LMTK3: variants seen among roughly 807,000 people sequenced by gnomAD.
LMTK3 encodes the protein lemur tail kinase 3, also known as serine/threonine-protein kinase LMTK3.
A neutral mutation model predicts 116.7 loss-of-function variants in LMTK3; 27 were observed. That is an observed-to-expected ratio of 0.23 (90% confidence interval 0.17 to 0.32). The LOEUF is 0.32. LMTK3 is among the 10% of genes least tolerant of loss of function. The pLI, the probability that LMTK3 is intolerant of heterozygous loss-of-function variation, is 1.00. For synonymous variants in LMTK3, 965 were observed against 971.0 expected (o/e 0.99, Z 0.11); for missense variants, 1,764 against 2,068.5 (o/e 0.85, Z 2.86).
upstream of LMTK3, chr19:48,513,082 A>C (rs865846723): frequency 7.3e-5 from 103 of 1,404,380 alleles, no homozygotes; most frequent in Middle Eastern, 1.7e-4. This position sits in a 1 kb window ranked among gnomAD's most constrained non-coding sequence, Gnocchi z 5.6. Context: ...ACAAAGAGTC[A>C]CACACCCACA....
chr19:48,499,167 G>T lies in LMTK3; in HGVS notation c.1902C>A (p.Thr634=). Residue 634 remains threonine (T), a synonymous_variant, in exon 11 of 15, where the codon ACC becomes ACA. Coordinates refer to ENST00000600059, the MANE Select transcript of LMTK3 (RefSeq NM_001388485.1). Reference sequence around the variant, plus strand: ...CCTCTTCTTCTTCCACCCACGGGGCGGTCCCCCGCTCCCCCAAGACCTCGG... The same window carrying T: ...CCTCTTCTTCTTCCACCCACGGGGCTGTCCCCCGCTCCCCCAAGACCTCGG... ...DPAEVLGERG[T]APWVEEEEEE... 6.7e-7 allele frequency: 1 copy of T among 1,503,078 alleles called. No homozygotes were observed. Among genetic ancestry groups the T allele is most frequent in the Admixed American group, 2.1e-5 (1 of 47,530 alleles). The allele number at this position is 1,503,078 out of a possible 1,614,324, so 93.1% of individuals were successfully genotyped here.
intron 5 of LMTK3, among the ~76,000 whole-genome samples, chr19:48,507,795 A>C (rs1310257157): frequency 6.6e-6 from 1 of 152,154 alleles, no homozygotes; most frequent in Non-Finnish European, 1.5e-5. Context: ...TGTAATAGGC[A>C]TATGTGGCCA....
Position 48,509,486 on chromosome 19 carries a change from C to T in LMTK3, c.389G>A (p.Arg130Gln), listed in dbSNP as rs1211683679. Reference protein sequence around the residue: ...SDMTTPLGLSRQHLSYLQEIG... With the variant: ...SDMTTPLGLSQQHLSYLQEIG... ...CTCCTGCAGGTAGCTCAGGTGCTGC[C>T]GGCTAAGGCCCAGGGGGGTGGTCAT... The change falls in exon 4 of 15, where the codon CGG (arginine) becomes CAG (glutamine). Residue 130 changes from arginine (R) to glutamine (Q), a missense_variant. This residue lies in a region of LMTK3 where 271 missense variants were observed against 478.2 expected (regional missense o/e 0.57). Coordinates refer to ENST00000600059, the MANE Select transcript of LMTK3 (RefSeq NM_001388485.1). The T allele has an allele frequency of 6.4e-7, 1 of 1,560,054 alleles. No homozygotes were observed. Among genetic ancestry groups the T allele is most frequent in the East Asian group, 2.4e-5 (1 of 41,774 alleles).
At position 48,493,792 on chromosome 19, in the gene LMTK3, A is replaced by T; in HGVS notation, c.3994T>A (p.Ser1332Thr). Residue 1332 changes from serine to threonine, a missense_variant, in exon 12 of 15, where the codon TCT becomes ACT. Transcript: ENST00000600059. ...TCTGGCTCGTCGGCCCCGCGCGGAGACTTGAGCAGCCCCCGCAGCGGGCGG... is the reference window on the plus strand; with the variant it reads ...TCTGGCTCGTCGGCCCCGCGCGGAGTCTTGAGCAGCCCCCGCAGCGGGCGG... Reference protein sequence around the residue: ...AARPLRGLLKSPRGADEPEDS... With the variant: ...AARPLRGLLKTPRGADEPEDS... 6.5e-7 allele frequency: 1 copy of T among 1,528,464 alleles called. No individual in the cohort carries two copies. The highest frequency in any genetic ancestry group is 8.8e-7 in the Non-Finnish European group (1 of 1,138,482). 94.7% of individuals were successfully genotyped at this position (1,528,464 alleles called of 1,614,324 possible). A position where few individuals can be genotyped will look rare whatever the true frequency, so the allele number is the denominator to read the frequency against.
rs75622673 is a variant in LMTK3 at position 48,491,971 on chromosome 19, T to A, written c.4093-432A>T. On this transcript the variant is annotated intron_variant, in intron 12 of 14. Transcript: ENST00000600059. The surrounding 1 kb of genome is among the most constrained non-coding windows in gnomAD (Gnocchi z 5.1). ...CCTGAGCGCATGCCGTGCTGGATGC[T>A]GTGACCCTGCCCCTGAGCCCTCCCT... is the stretch of plus-strand genomic sequence containing the variant. 0.037 allele frequency among the ~76,000 whole-genome samples: 5,608 copies of A among 151,672 alleles called. 187 individuals are homozygous for A. Among genetic ancestry groups the A allele is most frequent in the Middle Eastern group, 0.14 (41 of 294 alleles).
In LMTK3 at chr19:48,510,045, A is replaced by C. The variant is rs772541703; in HGVS notation, c.339T>G (p.Pro113=). Reference sequence around the variant, plus strand: ...TACCTGAGTGTGAAGGCTGCGGGGCAGGCATTGGCAGGGAGACCTCAGCCA... The same window carrying C: ...TACCTGAGTGTGAAGGCTGCGGGGCCGGCATTGGCAGGGAGACCTCAGCCA... ...LPLAEVSLPM[P]APQPSHSDMT... is the part of the protein sequence containing the mutation. The change falls in exon 3 of 15, where the codon CCT becomes CCG. Residue 113 remains proline, a synonymous_variant. Transcript: ENST00000600059. 30 of 1,613,842 alleles carry C rather than the reference A, an allele frequency of 1.9e-5. No individual in the cohort carries two copies. The highest frequency in any genetic ancestry group is 2.5e-5 in the Non-Finnish European group (30 of 1,179,890).
chr19:48,502,300 T>C, intron 7 of LMTK3, 133 bp downstream of exon 7: 1 of 1,085,662 alleles, frequency 9.2e-7, no homozygotes. Flanking sequence ...TTCTCCTCCA[T>C]ACCCTCCTCG....
chr19:48,495,969 TGGA>T (rs1353353881), intron 11 of LMTK3, among the ~76,000 whole-genome samples: 2 of 152,234 alleles, frequency 1.3e-5, no homozygotes, highest in African/African-American at 4.8e-5. Flanking sequence ...CCTATGGTGG[TGGA>T]GTTGTCAGGG....
chr19:48,510,606 G>A lies in LMTK3; in HGVS notation c.77-14C>T, dbSNP rs767995198. ...GGGCGAATCCATCTGTGGGCACAGGGCTGGGCTGGGGTCCCAGCTTCAAGT... is the reference window on the plus strand; with the variant it reads ...GGGCGAATCCATCTGTGGGCACAGGACTGGGCTGGGGTCCCAGCTTCAAGT... On this transcript the variant is annotated splice_polypyrimidine_tract_variant and intron_variant, in intron 1 of 14. Transcript: ENST00000600059. 6.5e-7 allele frequency: 1 copy of A among 1,542,352 alleles called. No homozygotes were observed. The highest frequency in any genetic ancestry group is 1.2e-5 in the South Asian group (1 of 81,574).
rs183285733 is a variant in LMTK3 at position 48,491,382 on chromosome 19, G to A, written c.4228+22C>T. 3 of 795,754 alleles carry A rather than the reference G, an allele frequency of 3.8e-6. No homozygotes were observed. The highest frequency in any genetic ancestry group is 3.2e-6 in the Non-Finnish European group (2 of 634,122). The allele number at this position is 795,754 out of a possible 1,614,324, so 49.3% of individuals were successfully genotyped here. ...CGCCCCATGGCTCCCGCCCCCTCCC[G>A]CCCCATAGGGCCCGTCCTCACCAAA... On this transcript the variant is annotated intron_variant, in intron 13 of 14. Coordinates refer to ENST00000600059, the MANE Select transcript of LMTK3 (RefSeq NM_001388485.1). This position sits in a 1 kb window ranked among gnomAD's most constrained non-coding sequence, Gnocchi z 5.1.
rs748892125 is a variant in LMTK3 at position 48,497,623 on chromosome 19, G to A, written c.3446C>T (p.Pro1149Leu). The change falls in exon 11 of 15, where the codon CCG (proline) becomes CTG (leucine). Residue 1149 changes from proline (P) to leucine (L), a missense_variant. Physicochemically the swap from Pro to Leu is moderately conservative, Grantham distance 98 (BLOSUM62 -3). Coordinates refer to ENST00000600059, the MANE Select transcript of LMTK3 (RefSeq NM_001388485.1). The surrounding 1 kb of genome is among the most constrained non-coding windows in gnomAD (Gnocchi z 5.7). ...CTGTGCCTCCGGTGGCGGTGGCAGC[G>A]GTGGCGGCGGTGGCTGCGGCCTCGT... ...DNTRPQPPPP[P>L]LPPPPEAQPR... is the part of the protein sequence containing the mutation. 1.6e-6 allele frequency: 2 copies of A among 1,269,814 alleles called. No homozygotes were observed. Among genetic ancestry groups the A allele is most frequent in the Non-Finnish European group, 2.0e-6 (2 of 998,634 alleles). The allele number at this position is 1,269,814 out of a possible 1,614,324, so 78.7% of individuals were successfully genotyped here. A position where few individuals can be genotyped will look rare whatever the true frequency, so the allele number is the denominator to read the frequency against.
chr19:48,487,031 ATTTTTT>A (rs34242861), intron 14 of LMTK3, among the ~76,000 whole-genome samples: 2 of 118,402 alleles, frequency 1.7e-5, no homozygotes, highest in African/African-American at 6.4e-5. Context: ...ACACCCGGCT[ATTTTTT>A]TTTTTTTTTT....
chr19:48,511,569 G>C lies in LMTK3; in HGVS notation c.8C>G (p.Ala3Gly). 1 of 1,430,926 alleles carries C rather than the reference G, an allele frequency of 7.0e-7. No homozygotes were observed. The highest frequency in any genetic ancestry group is 9.3e-7 in the Non-Finnish European group (1 of 1,078,744). The allele number at this position is 1,430,926 out of a possible 1,614,324, so 88.6% of individuals were successfully genotyped here. A position where few individuals can be genotyped will look rare whatever the true frequency, so the allele number is the denominator to read the frequency against. Residue 3 changes from alanine to glycine, a missense_variant, in exon 1 of 15, where the codon GCC (alanine) becomes GGC (glycine). This residue lies in a region of LMTK3 where 66 missense variants were observed against 61.1 expected (regional missense o/e 1.08). Transcript: ENST00000600059. ...CGCAAGGAGGATGAGGGCGCCGGGG[G>C]CAGGCATCTTGTCGAGGATGGCAGG... The part of the protein sequence containing the change: MP[A>G]PGALILLAAV...
At chr19:48,508,416 A>G (rs1302784673) in intron 5 of LMTK3, among the ~76,000 whole-genome samples, 2 of 152,150 alleles carry the variant, frequency 1.3e-5, no homozygotes, top group African/African-American at 4.8e-5. Context: ...GTAGAGACCA[A>G]GAAGGGCAGG....
Position 48,501,070 on chromosome 19 carries a change from G to A in LMTK3, c.1077C>T (p.Val359=). Residue 359 remains valine, a synonymous_variant, in exon 10 of 15, where the codon GTC becomes GTT. Coordinates refer to ENST00000600059, the MANE Select transcript of LMTK3 (RefSeq NM_001388485.1). The part of the protein sequence containing the change: ...QPYRHLSDEE[V]LAFVVRQQHV... ...GCTGCTGGCGGACCACGAAGGCGAGGACCTCCTCGTCTGACAGGTGGCGGT... is the reference window on the plus strand; with the variant it reads ...GCTGCTGGCGGACCACGAAGGCGAGAACCTCCTCGTCTGACAGGTGGCGGT... 6.3e-7 allele frequency: 1 copy of A among 1,575,878 alleles called. No individual in the cohort carries two copies. The highest frequency in any genetic ancestry group is 8.6e-7 in the Non-Finnish European group (1 of 1,161,836).
chr19:48,511,219 G>A (rs1249219407), intron 1 of LMTK3, among the ~76,000 whole-genome samples: 2 of 152,160 alleles, frequency 1.3e-5, no homozygotes, highest in East Asian at 3.9e-4. Context: ...TCTCCCAGAG[G>A]CCCTGTCCTT....
intron 3 of LMTK3, 67 bp from the exon 4 acceptor site, chr19:48,509,580 A>G (rs1041581175): frequency 1.8e-5 from 24 of 1,329,912 alleles, no homozygotes; most frequent in Non-Finnish European, 2.4e-5. Flanking sequence ...AACACACCCC[A>G]GGTCAGTGGG....
At chr19:48,496,040 A>C (rs1352069773) in intron 11 of LMTK3, among the ~76,000 whole-genome samples, 1 of 152,212 alleles carries the variant, frequency 6.6e-6, no homozygotes, top group Non-Finnish European at 1.5e-5. Context: ...CGAACACAGG[A>C]GGCCTGGCAC....
In LMTK3 at chr19:48,491,469, G is replaced by T; in HGVS notation, c.4163C>A (p.Ala1388Glu). The change falls in exon 13 of 15, where the codon GCG (alanine) becomes GAG (glutamate). Residue 1388 changes from alanine (A) to glutamate (E), a missense_variant. By Grantham distance (107) the Ala-to-Glu change is moderately radical (BLOSUM62 -1). This residue lies in a region of LMTK3 where 281 missense variants were observed against 301.4 expected (regional missense o/e 0.93). Transcript: ENST00000600059. This position sits in a 1 kb window ranked among gnomAD's most constrained non-coding sequence, Gnocchi z 5.1. ...EGDTDPSTPP[A>E]PPTPPHPATP... ...GGCGGGGTGGGGAGGTGTCGGGGGC[G>T]CTGGAGGCGTTGACGGGTCCGTGTC... The T allele has an allele frequency of 7.0e-7, 1 of 1,418,546 alleles. No individual in the cohort carries two copies. 87.9% of individuals were successfully genotyped at this position (1,418,546 alleles called of 1,614,324 possible).
Sources: gnomAD v4.1 joint callset for allele counts (sites outside exome capture counted in the v4.1 genomes callset) on GRCh38, gnomAD v4.1.1 for gene constraint, gnomAD v4.1.1 regional missense constraint, Gnocchi (gnomAD v3.1) non-coding constraint, MANE v1.5 for transcripts, NCBI Gene and HGNC (gene_info 2026-07-23, HGNC 2026-07-21) for gene names.